ASPH: variants seen among roughly 807,000 people sequenced by gnomAD.
ASPH encodes the protein aspartyl/asparaginyl beta-hydroxylase.
ASPH carries 100 observed loss-of-function variants against 118.4 expected under a neutral mutation model. That is an observed-to-expected ratio of 0.84 (90% confidence interval 0.72 to 1.00). The LOEUF is 1.00. Among genes scored for constraint, ASPH ranks in the 50% least tolerant of loss-of-function variants. ASPH has a pLI of 0.00. For synonymous variants in ASPH, 315 were observed against 325.6 expected, an observed-to-expected ratio of 0.97 and a Z score of 0.35; for missense variants, 920 against 919.5, an observed-to-expected ratio of 1.00 and a Z score of -0.01.
At chr8:61,625,607 T>C (rs1285781486) in intron 13 of ASPH, 1 of 980,482 alleles carries the variant, frequency 1.0e-6, no homozygotes, top group Non-Finnish European at 1.2e-6. Context: ...TTTAAAAAAA[T>C]AAATAAATGA....
intron 21 of ASPH, among the ~76,000 whole-genome samples, chr8:61,538,057 G>T (rs1314642832): frequency 6.6e-6 from 1 of 152,140 alleles, no homozygotes; most frequent in African/African-American, 2.4e-5. Flanking sequence ...GCTTCATTTT[G>T]TTTTGTGTTT....
At chr8:61,710,235 T>C (rs1837752750) in intron 1 of ASPH, among the ~76,000 whole-genome samples, 1 of 152,214 alleles carries the variant, frequency 6.6e-6, no homozygotes, top group Non-Finnish European at 1.5e-5. Flanking sequence ...TTGGTTCTGA[T>C]TCTTACACAG....
At chr8:61,672,293 G>A (rs1295475457) in intron 3 of ASPH, among the ~76,000 whole-genome samples, 1 of 151,962 alleles carries the variant, frequency 6.6e-6, no homozygotes, top group Non-Finnish European at 1.5e-5. Flanking sequence ...ACAGTAAGTG[G>A]GGAACGGAGG....
chr8:61,571,213 T>C (rs1201762261), intron 16 of ASPH, among the ~76,000 whole-genome samples: 3 of 152,218 alleles, frequency 2.0e-5, no homozygotes, highest in African/African-American at 7.2e-5. Context: ...TATGCCACAT[T>C]AATATTAATA....
At chr8:61,578,934 A>G in intron 15 of ASPH, 2 of 1,611,552 alleles carry the variant, frequency 1.2e-6, no homozygotes, top group Admixed American at 3.3e-5. Flanking sequence ...GCAGTCCCAG[A>G]TCTCGGACAC....
At chr8:61,667,295 C>T (rs1820154150) in intron 3 of ASPH, among the ~76,000 whole-genome samples, 1 of 152,084 alleles carries the variant, frequency 6.6e-6, no homozygotes, top group Non-Finnish European at 1.5e-5. Flanking sequence ...CAAGAATAAC[C>T]ACTGGCATAT....
chr8:61,714,397 G>A lies in ASPH; in HGVS notation c.-26C>T, dbSNP rs1251576874. The A allele has an allele frequency of 6.8e-7, 1 of 1,477,032 alleles. No homozygotes were observed. The highest frequency in any genetic ancestry group is 2.2e-4 in the Middle Eastern group (1 of 4,504). 91.5% of individuals were successfully genotyped at this position (1,477,032 alleles called of 1,614,324 possible). A position where few individuals can be genotyped will look rare whatever the true frequency, so the allele number is the denominator to read the frequency against. On this transcript the variant is annotated 5_prime_UTR_variant, in exon 1 of 25. Coordinates refer to ENST00000379454, the MANE Select transcript of ASPH (RefSeq NM_004318.4). ...TGCACGGTCCGCGGGGGCTGGTGAG[G>A]GCTGGCGGACCTCCTTCAGTGCGCG...
chr8:61,642,243 T>G (rs1235671536), intron 10 of ASPH, among the ~76,000 whole-genome samples: 1 of 152,214 alleles, frequency 6.6e-6, no homozygotes, highest in African/African-American at 2.4e-5. Context: ...GGGATTAACC[T>G]GTAGAAGCAG....
chr8:61,571,853 C>T (rs1833577992), intron 16 of ASPH, among the ~76,000 whole-genome samples: 1 of 152,150 alleles, frequency 6.6e-6, no homozygotes, highest in African/African-American at 2.4e-5. Context: ...ATAAAAAACA[C>T]TACTTATTTG....
At chr8:61,508,933 C>T (rs182182225) in intron 24 of ASPH, among the ~76,000 whole-genome samples, 234 of 152,262 alleles carry the variant, frequency 1.5e-3, no homozygotes, top group Non-Finnish European at 2.7e-3. Flanking sequence ...ACTGAAATTC[C>T]CCAGTTCAGA....
intron 3 of ASPH, among the ~76,000 whole-genome samples, chr8:61,666,965 A>G (rs199581973): frequency 5.9e-5 from 9 of 152,150 alleles, no homozygotes; most frequent in Non-Finnish European, 1.2e-4. Flanking sequence ...AAAATATTTT[A>G]TTGTCCATTT....
intron 3 of ASPH, chr8:61,668,313 G>A (rs751798348): frequency 6.5e-7 from 1 of 1,534,022 alleles, no homozygotes; most frequent in Non-Finnish European, 8.9e-7. Flanking sequence ...GTTATAAACA[G>A]AAAATTTAAG....
At chr8:61,623,426 TTATA>T (rs1851651388) in intron 13 of ASPH, among the ~76,000 whole-genome samples, 1 of 152,234 alleles carries the variant, frequency 6.6e-6, no homozygotes, top group South Asian at 2.1e-4. Context: ...TCTGAGCTCC[TTATA>T]TATTCTCATT....
chr8:61,679,222 G>T (rs1279176010), intron 3 of ASPH, among the ~76,000 whole-genome samples: 1 of 152,092 alleles, frequency 6.6e-6, no homozygotes, highest in Admixed American at 6.6e-5. Flanking sequence ...AGCTTTATCT[G>T]ATCTGTCTTT....
At chr8:61,650,248 C>G (rs2151087654) in intron 5 of ASPH, among the ~76,000 whole-genome samples, 1 of 152,240 alleles carries the variant, frequency 6.6e-6, no homozygotes, top group Non-Finnish European at 1.5e-5. Context: ...TGCAAAGAAG[C>G]TAGAAATAAA....
At chr8:61,635,486 T>G (rs1175660219) in intron 12 of ASPH, among the ~76,000 whole-genome samples, 4 of 152,154 alleles carry the variant, frequency 2.6e-5, no homozygotes, top group African/African-American at 9.6e-5. Flanking sequence ...TTCACTTGGA[T>G]ATATCACATA....
In ASPH at chr8:61,680,251, T is replaced by C. The variant is rs28716238; in HGVS notation, c.322+717A>G. Among the ~76,000 whole-genome samples, 1,011 of 151,930 alleles carry C rather than the reference T, an allele frequency of 6.7e-3. 5 individuals are homozygous for C. The highest frequency in any genetic ancestry group is 0.012 in the Non-Finnish European group (792 of 67,764). ...GACTCTTATATAAAAAGTTTTAACA[T>C]ATATTATGCTACATACAAAAGCAAA... On this transcript the variant is annotated intron_variant, in intron 3 of 24. Coordinates refer to ENST00000379454, the MANE Select transcript of ASPH (RefSeq NM_004318.4).
chr8:61,609,322 G>C (rs2133850138), intron 14 of ASPH, among the ~76,000 whole-genome samples: 1 of 152,306 alleles, frequency 6.6e-6, no homozygotes, highest in South Asian at 2.1e-4. Flanking sequence ...ATCCCTATGA[G>C]GCTAGGTTTC....
At chr8:61,544,632 A>G (rs1029792692) in intron 21 of ASPH, among the ~76,000 whole-genome samples, 1 of 152,206 alleles carries the variant, frequency 6.6e-6, no homozygotes, top group Non-Finnish European at 1.5e-5. Context: ...AACTTCTTAT[A>G]TGTAAGAAAT....
Sources: gnomAD v4.1 joint callset for allele counts (sites outside exome capture counted in the v4.1 genomes callset) on GRCh38, gnomAD v4.1.1 for gene constraint, MANE v1.5 for transcripts, NCBI Gene and HGNC (gene_info 2026-07-23, HGNC 2026-07-21) for gene names.